LARP4: variants seen among roughly 807,000 people sequenced by gnomAD.
LARP4 encodes La ribonucleoprotein 4.
In LARP4, 29 loss-of-function variants were observed where a neutral mutation model predicts 92.9. The observed-to-expected ratio is 0.31, with a 90% CI of 0.23 to 0.43. The LOEUF (loss-of-function observed/expected upper bound fraction) is 0.43. Among genes scored for constraint, LARP4 ranks in the 20% least tolerant of loss-of-function variants. LARP4 has a pLI of 1.00. For missense variants in LARP4, 732 were observed against 860.0 expected (o/e 0.85, Z 1.86); for synonymous variants, 279 against 284.1 (o/e 0.98, Z 0.18).
intron 13 of LARP4, among the ~76,000 whole-genome samples, chr12:50,471,465 T>C (rs946978953): frequency 2.6e-5 from 4 of 152,220 alleles, no homozygotes; most frequent in Non-Finnish European, 4.4e-5. Context: ...TAAATCTTCA[T>C]GTGAGCAAGA....
rs781211958 is a variant in LARP4, at chr12:50,474,068, T to C, written c.1737T>C (p.Thr579=). 9 of 1,612,266 alleles carry C rather than the reference T, an allele frequency of 5.6e-6. No homozygotes were observed. The Admixed American group carries it at 1.5e-4, about 27-fold the overall frequency. Residue 579 remains threonine (T), a synonymous_variant, in exon 15 of 16, where the codon ACT becomes ACC. Transcript: ENST00000398473. ...SVQKDGLNQT[T]IPVSPPSTTK... Reference sequence around the variant, plus strand: ...AGAAGGATGGTCTCAATCAGACAACTATACCAGTTTCTCCTCCAAGTACTA... The same window carrying C: ...AGAAGGATGGTCTCAATCAGACAACCATACCAGTTTCTCCTCCAAGTACTA...
chr12:50,433,708 C>T lies in LARP4; in HGVS notation c.399-1780C>T, dbSNP rs150914547. Among the ~76,000 whole-genome samples the T allele has an allele frequency of 5.5e-3, 833 of 150,230 alleles. 6 individuals are homozygous for T. The highest frequency in any genetic ancestry group is 8.2e-3 in the Non-Finnish European group (558 of 67,794). On this transcript the variant is annotated intron_variant, in intron 4 of 15. Transcript: ENST00000398473. ...AGGCTGGAGTGCAGTGGCACGATCT[C>T]GGCTCACTGCAACCTCTACCTCCCG...
Position 50,417,859 on chromosome 12 carries a change from C to G in LARP4, c.19-9903C>G, listed in dbSNP as rs948962038. 2.6e-5 allele frequency among the ~76,000 whole-genome samples: 4 copies of G among 151,694 alleles called. No homozygotes were observed. In the East Asian group the frequency reaches 7.7e-4, roughly 29 times the overall value. ...CAGCCACATGCCAACATGCCTGGCTCATTTTTTTTTCTTGTTTTGAGACGG... is the reference window on the plus strand; with the variant it reads ...CAGCCACATGCCAACATGCCTGGCTGATTTTTTTTTCTTGTTTTGAGACGG... On this transcript the variant is annotated intron_variant, in intron 1 of 15. Transcript: ENST00000398473.
In LARP4 at chr12:50,423,480, G is replaced by A. The variant is rs992928100; in HGVS notation, c.19-4282G>A. The stretch of plus-strand genomic sequence containing the variant: ...GTTTTCTTTTTTGAGACGGAGTCTT[G>A]CTCTGTTGCCCAGGCTGGAGTGCAG... On this transcript the variant is annotated intron_variant, in intron 1 of 15. Coordinates refer to ENST00000398473, the MANE Select transcript of LARP4 (RefSeq NM_052879.5). Among the ~76,000 whole-genome samples, 3 of 152,052 alleles carry A rather than the reference G, an allele frequency of 2.0e-5. 1 individual carries two copies. The highest frequency in any genetic ancestry group is 4.4e-5 in the Non-Finnish European group (3 of 67,986).
intron 2 of LARP4, among the ~76,000 whole-genome samples, chr12:50,428,401 T>C (rs889725097): frequency 2.6e-5 from 4 of 152,210 alleles, no homozygotes; most frequent in African/African-American, 9.6e-5. Flanking sequence ...GCATCCAGCA[T>C]TTATAAATGT....
intron 1 of LARP4, among the ~76,000 whole-genome samples, chr12:50,405,872 A>C (rs564434870): frequency 1.3e-5 from 2 of 152,194 alleles, no homozygotes; most frequent in African/African-American, 2.4e-5. Context: ...GCACCTATGC[A>C]CATCTTTGTG....
chr12:50,430,667 T>TA, intron 4 of LARP4, 97 bp downstream of exon 4: 1 of 712,786 alleles, frequency 1.4e-6, no homozygotes, highest in Non-Finnish European at 2.2e-6. Flanking sequence ...CTAATTTTTT[T>TA]TTTTATTTTC....
At chr12:50,465,324 A>G (rs559327280) in intron 12 of LARP4, among the ~76,000 whole-genome samples, 135 of 148,984 alleles carry the variant, frequency 9.1e-4, no homozygotes, top group Non-Finnish European at 1.7e-3. Flanking sequence ...ATGAGCTGAG[A>G]TCATGCCACT....
At chr12:50,436,335 TAA>T (rs762236195) in intron 5 of LARP4, among the ~76,000 whole-genome samples, 7 of 152,054 alleles carry the variant, frequency 4.6e-5, no homozygotes, top group Non-Finnish European at 1.0e-4. Flanking sequence ...GCTTCTGTAA[TAA>T]TTCTGCACCT....
chr12:50,435,684 C>A, intron 5 of LARP4, 60 bp downstream of exon 5: 1 of 1,263,474 alleles, frequency 7.9e-7, no homozygotes, highest in Non-Finnish European at 1.1e-6. Context: ...GTTATTTCGA[C>A]TTCTGATCAT....
intron 13 of LARP4, among the ~76,000 whole-genome samples, chr12:50,473,113 C>T (rs1957118367): frequency 6.6e-6 from 1 of 152,196 alleles, no homozygotes; most frequent in African/African-American, 2.4e-5. Context: ...AGCCACTGCG[C>T]CCAGCCTATT....
chr12:50,445,000 G>A (rs1951781580), intron 8 of LARP4, among the ~76,000 whole-genome samples: 1 of 151,814 alleles, frequency 6.6e-6, no homozygotes, highest in Admixed American at 6.6e-5. Flanking sequence ...GCCTCCTCTT[G>A]CCTCGCACCC....
chr12:50,462,707 T>C, intron 12 of LARP4, 77 bp downstream of exon 12: 2 of 1,006,040 alleles, frequency 2.0e-6, no homozygotes, highest in Admixed American at 2.2e-5. Flanking sequence ...GGTCTTTCCT[T>C]TCTGGGTTTT....
intron 1 of LARP4, among the ~76,000 whole-genome samples, chr12:50,414,585 G>T (rs1245631845): frequency 2.0e-5 from 3 of 152,192 alleles, no homozygotes; most frequent in Non-Finnish European, 4.4e-5. Flanking sequence ...TTACAGACAT[G>T]CACCACTGTG....
intron 1 of LARP4, among the ~76,000 whole-genome samples, chr12:50,410,156 TC>T (rs1945599516): frequency 6.6e-6 from 1 of 151,932 alleles, no homozygotes; most frequent in East Asian, 1.9e-4. Flanking sequence ...ATATTTAAGT[TC>T]GTTTGTGTAG....
At chr12:50,459,008 T>C (rs1303292594) in intron 10 of LARP4, among the ~76,000 whole-genome samples, 4 of 152,224 alleles carry the variant, frequency 2.6e-5, no homozygotes, top group Non-Finnish European at 4.4e-5. Flanking sequence ...TTGTTTGTTT[T>C]GTTTTTTGAG....
intron 13 of LARP4, among the ~76,000 whole-genome samples, chr12:50,469,220 G>GT (rs1272688835): frequency 1.3e-5 from 2 of 151,962 alleles, no homozygotes; most frequent in Admixed American, 6.6e-5. Context: ...AAAAAATATT[G>GT]TGACACGTAG....
In LARP4 at chr12:50,435,706, T is replaced by C. The variant is rs535510107; in HGVS notation, c.535+82T>C. The C allele has an allele frequency of 4.0e-6, 4 of 996,438 alleles. No homozygotes were observed. The Admixed American group carries it at 1.1e-4, about 27-fold the overall frequency. 61.7% of individuals were successfully genotyped at this position (996,438 alleles called of 1,614,324 possible). A position where few individuals can be genotyped will look rare whatever the true frequency, so the allele number is the denominator to read the frequency against. Reference sequence around the variant, plus strand: ...CGACTTCTGATCATATAGGGAATTATTTTTACTGCCCCCTCCCCACACCCT... The same window carrying C: ...CGACTTCTGATCATATAGGGAATTACTTTTACTGCCCCCTCCCCACACCCT... On this transcript the variant is annotated intron_variant, in intron 5 of 15. Coordinates refer to ENST00000398473, the MANE Select transcript of LARP4 (RefSeq NM_052879.5).
intron 1 of LARP4, among the ~76,000 whole-genome samples, chr12:50,411,951 G>A (rs1412895310): frequency 1.3e-5 from 2 of 152,150 alleles, no homozygotes; most frequent in Non-Finnish European, 2.9e-5. Context: ...CCAAAGTGCT[G>A]GGATTATAGA....
Sources: gnomAD v4.1 joint callset for allele counts (sites outside exome capture counted in the v4.1 genomes callset) on GRCh38, gnomAD v4.1.1 for gene constraint, MANE v1.5 for transcripts, NCBI Gene and HGNC (gene_info 2026-07-23, HGNC 2026-07-21) for gene names.